Variants in USP54 observed in about 807,000 individuals in gnomAD.
USP54 encodes ubiquitin specific peptidase 54.
Under a neutral mutation model 170.5 loss-of-function variants are expected in USP54, and 87 were observed. The observed-to-expected ratio is 0.51, with a 90% confidence interval of 0.43 to 0.61. USP54 has a LOEUF of 0.61. Ranked by LOEUF, USP54 falls within the 20% of genes least tolerant of loss-of-function variation. The probability of loss-of-function intolerance (pLI) is 0.00; values close to 1 mark genes in which losing one functional copy is unlikely to be tolerated. For missense variants in USP54, 1,786 were observed against 2,047.8 expected, an observed-to-expected ratio of 0.87 and a Z score of 2.47; for synonymous variants, 655 against 742.8, an observed-to-expected ratio of 0.88 and a Z score of 1.92.
chr10:73,615,905 CAAA>C (rs1170081483), intron 1 of USP54, among the ~76,000 whole-genome samples: 1 of 40,200 alleles, frequency 2.5e-5, no homozygotes, highest in Non-Finnish European at 4.8e-5. Flanking sequence ...AGATCAGTCT[CAAA>C]AAAAAAAAAA....
Position 73,505,390 on chromosome 10 carries a change from G to A in USP54, c.4088C>T (p.Ala1363Val). The A allele has an allele frequency of 6.2e-7, 1 of 1,614,116 alleles. No homozygotes were observed. The highest frequency in any genetic ancestry group is 8.5e-7 in the Non-Finnish European group (1 of 1,180,006). The change falls in exon 21 of 24, where the codon GCC becomes GTC. Residue 1363 changes from alanine to valine, a missense_variant. Physicochemically the swap from Ala to Val is moderately conservative, Grantham distance 64. This residue lies in a region of USP54 where 1,418 missense variants were observed against 1,569.0 expected (regional missense o/e 0.90). Transcript: ENST00000687698. ...AGTCTTTGAGAGACCAGGATCATGG[G>A]CTGAGTGCAACCTCCTCCCCATGCC... ...ADGMGRRLHS[A>V]HDPGLSKTST...
At chr10:73,543,215 C>T in intron 5 of USP54, 84 bp from the exon 6 acceptor site, 1 of 921,510 alleles carries the variant, frequency 1.1e-6, no homozygotes, top group Non-Finnish European at 1.7e-6. Context: ...CCCATAGAAA[C>T]AGCAACCCTT....
At position 73,500,515 on chromosome 10, in the gene USP54, G is replaced by A. The variant is rs74483672; in HGVS notation, c.4495+140C>T. 2.0e-3 allele frequency: 1,553 copies of A among 766,162 alleles called. 17 individuals are homozygous for A. The African/African-American group carries it at 0.026, about 13-fold the overall frequency. The allele number at this position is 766,162 out of a possible 1,614,324, so 47.5% of individuals were successfully genotyped here. A position where few individuals can be genotyped will look rare whatever the true frequency, so the allele number is the denominator to read the frequency against. On this transcript the variant is annotated intron_variant, in intron 23 of 23. Coordinates refer to ENST00000687698, the MANE Select transcript of USP54 (RefSeq NM_001391956.1). ...TTAATATTTATCTAGATAAATGCAC[G>A]ACTTTGAAGCAGTAATTCATATCTT...
In USP54 at chr10:73,519,705, A is replaced by G. The variant is rs2061611647; in HGVS notation, c.2678+92T>C. 8 of 1,562,792 alleles carry G rather than the reference A, an allele frequency of 5.1e-6. No homozygotes were observed. The South Asian group carries it at 9.3e-5, about 18-fold the overall frequency. On this transcript the variant is annotated intron_variant, in intron 19 of 23. Transcript: ENST00000687698. ...TTCAGAGGACTCCTCTCTCCCCTTC[A>G]GTCGCCAAGACAATGAGAGCTCTTG...
At chr10:73,505,226 C>G in intron 21 of USP54, 82 bp downstream of exon 21, 1 of 1,405,216 alleles carries the variant, frequency 7.1e-7, no homozygotes, top group Non-Finnish European at 9.9e-7. Context: ...TCTGCCTTAT[C>G]ATCATCCCTG....
intron 1 of USP54, among the ~76,000 whole-genome samples, chr10:73,606,167 G>A (rs1462821216): frequency 8.1e-6 from 1 of 123,222 alleles, no homozygotes; most frequent in East Asian, 2.6e-4. Flanking sequence ...GACAGAGTGA[G>A]GCTGTCTCAA....
intron 1 of USP54, among the ~76,000 whole-genome samples, chr10:73,579,779 C>CA (rs77144291): frequency 5.6e-4 from 84 of 148,804 alleles, no homozygotes; most frequent in African/African-American, 1.9e-3. Context: ...ACAACAACAA[C>CA]AAAAAAAAAC....
At chr10:73,551,061 C>T (rs1160516095) in intron 4 of USP54, among the ~76,000 whole-genome samples, 3 of 152,124 alleles carry the variant, frequency 2.0e-5, no homozygotes, top group African/African-American at 7.2e-5. Flanking sequence ...GCCGAGATTG[C>T]ATACTGCACT....
intron 4 of USP54, among the ~76,000 whole-genome samples, chr10:73,569,752 CAA>C (rs565258742): frequency 4.2e-5 from 4 of 95,866 alleles, no homozygotes; most frequent in African/African-American, 3.8e-5. Flanking sequence ...AAATCCGTCT[CAA>C]AAAAAAAAAA....
rs376148269 is a variant in USP54, at chr10:73,526,720, C to G, written c.2121G>C (p.Ser707=). The G allele has an allele frequency of 1.9e-5, 31 of 1,614,088 alleles. No individual in the cohort carries two copies. The highest frequency in any genetic ancestry group is 2.5e-5 in the Non-Finnish European group (29 of 1,180,012). The change falls in exon 16 of 24, where the codon TCG becomes TCC. Residue 707 remains serine, a synonymous_variant. Transcript: ENST00000687698. ...LVPSWRHIPK[S]HSSSILEVDS... is the part of the protein sequence containing the mutation. ...CTACCTCCAGGATGCTACTGCTGTG[C>G]GACTTTGGGATATGACGCCAGGAAG...
At chr10:73,520,279 T>C (rs1460029460) in intron 18 of USP54, among the ~76,000 whole-genome samples, 2 of 152,182 alleles carry the variant, frequency 1.3e-5, no homozygotes, top group African/African-American at 2.4e-5. Flanking sequence ...AGATTGCCAC[T>C]CTTGTCCTTT....
intron 1 of USP54, among the ~76,000 whole-genome samples, chr10:73,620,181 C>T (rs1267180553): frequency 6.7e-6 from 1 of 149,698 alleles, no homozygotes; most frequent in Non-Finnish European, 1.5e-5. Flanking sequence ...GGCGTGGTGG[C>T]GGGCGCCTGT....
intron 16 of USP54, among the ~76,000 whole-genome samples, chr10:73,526,168 G>A (rs2062803293): frequency 6.6e-6 from 1 of 152,032 alleles, no homozygotes; most frequent in Admixed American, 6.6e-5. Context: ...CTGTGATGGA[G>A]AACAAAAAAT....
intron 20 of USP54, among the ~76,000 whole-genome samples, chr10:73,509,780 G>C (rs2059906987): frequency 2.0e-5 from 3 of 152,046 alleles, no homozygotes; most frequent in African/African-American, 7.2e-5. Context: ...GGTTGAGGCG[G>C]GTAAACTACT....
intron 4 of USP54, among the ~76,000 whole-genome samples, chr10:73,567,242 G>A (rs565913495): frequency 2.0e-5 from 3 of 152,132 alleles, no homozygotes; most frequent in East Asian, 1.9e-4. Context: ...TTGATTACTC[G>A]TTATACTGGA....
intron 1 of USP54, among the ~76,000 whole-genome samples, chr10:73,617,248 A>G (rs991074141): frequency 2.0e-5 from 3 of 150,386 alleles, no homozygotes; most frequent in Admixed American, 6.6e-5. Flanking sequence ...GTGAGCTGAG[A>G]TCGCACCATT....
intron 1 of USP54, among the ~76,000 whole-genome samples, chr10:73,587,461 C>T (rs967624273): frequency 6.6e-6 from 1 of 151,486 alleles, no homozygotes; most frequent in African/African-American, 2.4e-5. Flanking sequence ...GGCAACAGAG[C>T]GAGACTCCAT....
chr10:73,513,471 A>C (rs1446057236), intron 20 of USP54: 1 of 152,156 alleles, frequency 6.6e-6, no homozygotes, highest in Admixed American at 6.6e-5. Context: ...TCAAAAAAAA[A>C]AAAAAAATTG....
chr10:73,519,501 A>G, intron 19 of USP54: 1 of 374,432 alleles, frequency 2.7e-6, no homozygotes, highest in South Asian at 2.8e-5. Context: ...CTAAGAACAT[A>G]ATATATACAA....
Sources: allele counts gnomAD v4.1 joint callset (sites outside exome capture counted in the v4.1 genomes callset), GRCh38; gene constraint gnomAD v4.1.1; regional missense constraint gnomAD v4.1.1; transcripts MANE v1.5; gene names NCBI Gene and HGNC (gene_info 2026-07-23, HGNC 2026-07-21).